GRM5: variants seen among roughly 807,000 people sequenced by gnomAD.
GRM5 encodes the protein glutamate metabotropic receptor 5, also known as metabotropic glutamate receptor 5.
Under a neutral mutation model 83.1 loss-of-function variants are expected in GRM5, and 19 were observed. The observed-to-expected ratio is 0.23, with a 90% CI of 0.16 to 0.34. GRM5 has a LOEUF of 0.34. GRM5 is among the 10% of genes least tolerant of loss of function. GRM5 has a pLI of 1.00. For synonymous variants in GRM5, 675 were observed against 633.6 expected (o/e 1.07, Z -0.98); for missense variants, 1,160 against 1,588.3 (o/e 0.73, Z 4.58).
At chr11:88,676,597 G>A (rs912508007) in intron 3 of GRM5, among the ~76,000 whole-genome samples, 1 of 151,912 alleles carries the variant, frequency 6.6e-6, no homozygotes, top group Non-Finnish European at 1.5e-5. Context: ...ATAAAATGAA[G>A]AATAATTACT....
chr11:88,542,351 G>A (rs1228345292), intron 8 of GRM5, among the ~76,000 whole-genome samples: 1 of 135,736 alleles, frequency 7.4e-6, no homozygotes, highest in African/African-American at 2.4e-5. Context: ...CCAAAGGCAT[G>A]GCTAAAAAGG....
At chr11:88,825,577 A>G (rs144636425) in intron 3 of GRM5, among the ~76,000 whole-genome samples, 261 of 152,308 alleles carry the variant, frequency 1.7e-3, no homozygotes, top group Middle Eastern at 3.4e-3. Context: ...TGTCTCTTGT[A>G]AAAGAAATTG....
chr11:88,778,234 G>T (rs372202897), intron 3 of GRM5, among the ~76,000 whole-genome samples: 6 of 152,358 alleles, frequency 3.9e-5, no homozygotes, highest in African/African-American at 1.4e-4. Flanking sequence ...AGGGAGCAAG[G>T]CTCCATGGGC....
intron 8 of GRM5, among the ~76,000 whole-genome samples, chr11:88,535,735 G>A (rs543541964): frequency 6.6e-6 from 1 of 152,208 alleles, no homozygotes; most frequent in East Asian, 1.9e-4. Context: ...AGGTTTGACT[G>A]TTTATAAATA....
intron 2 of GRM5, among the ~76,000 whole-genome samples, chr11:88,910,527 A>G (rs542118329): frequency 6.6e-6 from 1 of 152,156 alleles, no homozygotes; most frequent in East Asian, 1.9e-4. Context: ...CAGTTACATC[A>G]TTTTACATTG....
Position 88,604,757 on chromosome 11 carries a change from T to C in GRM5, c.1355A>G (p.Asp452Gly). Residue 452 changes from aspartate to glycine, a missense_variant, in exon 5 of 10, where the codon GAT (aspartate) becomes GGT (glycine). Asp to Gly is a moderately conservative substitution (Grantham distance 94). Transcript: ENST00000305447. ...MKTNFTGVSG[D>G]TILFDENGDS... ...TCCATTCTCATCGAATAGGATCGTA[T>C]CTCCAGAAACCCCAGTAAAATTGGT... 1 of 1,612,512 alleles carries C rather than the reference T, an allele frequency of 6.2e-7. No individual in the cohort carries two copies. The highest frequency in any genetic ancestry group is 8.5e-7 in the Non-Finnish European group (1 of 1,178,594).
intron 3 of GRM5, among the ~76,000 whole-genome samples, chr11:88,689,286 A>G (rs1179667037): frequency 2.6e-5 from 4 of 152,218 alleles, no homozygotes; most frequent in Non-Finnish European, 5.9e-5. Flanking sequence ...AGTAAAACAC[A>G]TCCCTGAATG....
rs571917256 is a variant in GRM5 at position 88,506,980 on chromosome 11, A to C, written c.*1612T>G. On this transcript the variant is annotated 3_prime_UTR_variant, in exon 10 of 10. Transcript: ENST00000305447. ...CTTAAGTATAAGGCTGGGTCAACTG[A>C]ACTTTAAATTTATAGGACACCTCCT... The C allele has an allele frequency of 2.1e-5, 3 of 143,332 alleles. No individual in the cohort carries two copies. In the East Asian group the frequency reaches 5.8e-4, roughly 28 times the overall value. 8.9% of individuals were successfully genotyped at this position (143,332 alleles called of 1,614,324 possible). A position where few individuals can be genotyped will look rare whatever the true frequency, so the allele number is the denominator to read the frequency against.
chr11:88,627,733 C>G (rs559963403), intron 4 of GRM5, among the ~76,000 whole-genome samples: 22 of 152,282 alleles, frequency 1.4e-4, no homozygotes, highest in African/African-American at 5.3e-4. Flanking sequence ...ACCAAGTTTA[C>G]CTCATTCTTC....
chr11:88,598,284 T>C (rs908824371), intron 5 of GRM5, among the ~76,000 whole-genome samples: 10 of 152,106 alleles, frequency 6.6e-5, no homozygotes, highest in African/African-American at 2.4e-4. Flanking sequence ...GAATGGAAAA[T>C]GTTCTCGCTT....
chr11:88,873,604 T>C (rs1372804649), intron 2 of GRM5, among the ~76,000 whole-genome samples: 29 of 151,648 alleles, frequency 1.9e-4, no homozygotes, highest in Non-Finnish European at 3.4e-4. Context: ...AACATGCTCC[T>C]GGGCAACTAA....
chr11:88,564,302 G>A (rs2135166658), intron 8 of GRM5, among the ~76,000 whole-genome samples: 1 of 152,190 alleles, frequency 6.6e-6, no homozygotes, highest in East Asian at 1.9e-4. Context: ...TGGCCCTGTA[G>A]GAAAAACAAG....
At chr11:89,013,086 GCAGA>G (rs1435827344) in intron 2 of GRM5, among the ~76,000 whole-genome samples, 1 of 152,130 alleles carries the variant, frequency 6.6e-6, no homozygotes, top group East Asian at 1.9e-4. Flanking sequence ...CTAAGATCTT[GCAGA>G]CAAAGTTGAT....
chr11:89,043,359 T>G (rs1341728329), intron 2 of GRM5, among the ~76,000 whole-genome samples: 1 of 152,154 alleles, frequency 6.6e-6, no homozygotes, highest in Non-Finnish European at 1.5e-5. Context: ...ATACAATAAT[T>G]ACTTTTCTTA....
At chr11:88,509,546 C>T (rs756483909) in intron 9 of GRM5, 42 bp from the exon 10 acceptor site, 4 of 1,512,148 alleles carry the variant, frequency 2.6e-6, no homozygotes, top group Non-Finnish European at 3.6e-6. Context: ...AGCGAGGTGC[C>T]CAGGGGGCTT....
chr11:88,731,352 C>G (rs891352640), intron 3 of GRM5, among the ~76,000 whole-genome samples: 1 of 152,028 alleles, frequency 6.6e-6, no homozygotes, highest in Non-Finnish European at 1.5e-5. Context: ...GCTTGAAAAG[C>G]GCACTCCCAT....
chr11:88,814,585 A>T (rs1436732793), intron 3 of GRM5, among the ~76,000 whole-genome samples: 1 of 152,216 alleles, frequency 6.6e-6, no homozygotes, highest in East Asian at 1.9e-4. Context: ...TATATACTAA[A>T]CACAGCTGTA....
chr11:88,519,665 T>A (rs938197635), intron 9 of GRM5, among the ~76,000 whole-genome samples: 5 of 152,184 alleles, frequency 3.3e-5, no homozygotes, highest in Admixed American at 6.5e-5. Flanking sequence ...ATTGAATTTA[T>A]TCTTTTGTTA....
chr11:89,011,412 T>A (rs1424725335), intron 2 of GRM5, among the ~76,000 whole-genome samples: 1 of 152,158 alleles, frequency 6.6e-6, no homozygotes, highest in Admixed American at 6.5e-5. Context: ...GGGAATAACT[T>A]ATAAGGGAGA....
Sources: allele counts gnomAD v4.1 joint callset (sites outside exome capture counted in the v4.1 genomes callset), GRCh38; gene constraint gnomAD v4.1.1; transcripts MANE v1.5; gene names NCBI Gene and HGNC (gene_info 2026-07-23, HGNC 2026-07-21).